The following DPP10 variants were observed in gnomAD, a reference collection of about 807,000 sequenced individuals.
DPP10 encodes the protein dipeptidyl peptidase like 10, also known as inactive dipeptidyl peptidase 10.
Under a neutral mutation model 120.9 loss-of-function variants are expected in DPP10, and 33 were observed. That is an observed-to-expected ratio of 0.27 (90% CI 0.21 to 0.37). The LOEUF (loss-of-function observed/expected upper bound fraction) is 0.37. Among genes scored for constraint, DPP10 ranks in the 10% least tolerant of loss-of-function variants. DPP10 has a pLI of 1.00. For missense variants in DPP10, 816 were observed against 942.8 expected (o/e 0.87, Z 1.76); for synonymous variants, 337 against 326.1 (o/e 1.03, Z -0.36).
intron 1 of DPP10, among the ~76,000 whole-genome samples, chr2:114,755,380 T>A (rs189249384): frequency 6.6e-6 from 1 of 152,276 alleles, no homozygotes; most frequent in Non-Finnish European, 1.5e-5. Context: ...TGCAAACTCA[T>A]CCTCCTGGGC....
intron 3 of DPP10, among the ~76,000 whole-genome samples, chr2:115,421,121 C>G (rs2069913947): frequency 6.6e-6 from 1 of 150,838 alleles, no homozygotes; most frequent in African/African-American, 2.4e-5. Flanking sequence ...CCCCACCTTT[C>G]TCAATTGCTT....
At chr2:115,043,271 T>C (rs1704804619) in intron 1 of DPP10, among the ~76,000 whole-genome samples, 1 of 152,212 alleles carries the variant, frequency 6.6e-6, no homozygotes, top group Admixed American at 6.5e-5. Flanking sequence ...TTAGAAATGA[T>C]GCATCATCAC....
intron 1 of DPP10, among the ~76,000 whole-genome samples, chr2:115,159,264 C>G (rs80251033): frequency 6.6e-6 from 1 of 152,032 alleles, no homozygotes; most frequent in Non-Finnish European, 1.5e-5. Flanking sequence ...CGAGACAATG[C>G]CGGCTAACAC....
chr2:115,211,668 C>A (rs1216674142), intron 1 of DPP10, among the ~76,000 whole-genome samples: 1 of 151,962 alleles, frequency 6.6e-6, no homozygotes, highest in Non-Finnish European at 1.5e-5. Flanking sequence ...TGCTAACGGT[C>A]CTTTTTTATT....
At chr2:115,621,073 G>T (rs1271828755) in intron 5 of DPP10, among the ~76,000 whole-genome samples, 1 of 152,164 alleles carries the variant, frequency 6.6e-6, no homozygotes, top group East Asian at 1.9e-4. Flanking sequence ...ACTGATGTGT[G>T]CCATGAAATT....
At chr2:115,427,119 G>A (rs756501165) in intron 3 of DPP10, among the ~76,000 whole-genome samples, 4 of 152,138 alleles carry the variant, frequency 2.6e-5, no homozygotes, top group Non-Finnish European at 4.4e-5. Flanking sequence ...AGGGCACACA[G>A]CTGCAAGGGG....
At chr2:115,043,882 T>A (rs890719366) in intron 1 of DPP10, among the ~76,000 whole-genome samples, 7 of 152,266 alleles carry the variant, frequency 4.6e-5, no homozygotes, top group African/African-American at 1.2e-4. Flanking sequence ...AGTAATTTTT[T>A]AAAAAATTTT....
intron 3 of DPP10, among the ~76,000 whole-genome samples, chr2:115,473,660 C>T (rs1205351183): frequency 6.6e-6 from 1 of 152,146 alleles, no homozygotes; most frequent in Non-Finnish European, 1.5e-5. Context: ...TATGTAGGAG[C>T]ATAAAGGCTG....
intron 1 of DPP10, among the ~76,000 whole-genome samples, chr2:115,034,186 C>T (rs1022869347): frequency 5.9e-5 from 9 of 152,188 alleles, no homozygotes; most frequent in African/African-American, 2.2e-4. Flanking sequence ...TGAGCCACTG[C>T]TCCCGGCCTG....
At chr2:114,700,204 G>A (rs1358922786) in intron 1 of DPP10, among the ~76,000 whole-genome samples, 1 of 152,000 alleles carries the variant, frequency 6.6e-6, no homozygotes, top group Non-Finnish European at 1.5e-5. Context: ...TCCAGGCAGG[G>A]GGGAAAGCAA....
Position 115,660,655 on chromosome 2 carries a change from C to CTTTTTTTTTTTTTTTTTTTTTTTTT in DPP10, c.442-29008_442-29007insTTTTTTTTTTTTTTTTTTTTTTTTT. 7.1e-4 allele frequency among the ~76,000 whole-genome samples: 18 copies of CTTTTTTTTTTTTTTTTTTTTTTTTT among 25,320 alleles called. 1 individual carries two copies. The highest frequency in any genetic ancestry group is 3.7e-3 in the South Asian group (1 of 272). The allele number at this position is 25,320 out of a possible 152,430, so 16.6% of individuals were successfully genotyped here. On this transcript the variant is annotated intron_variant, in intron 5 of 25. Coordinates refer to ENST00000410059, the MANE Select transcript of DPP10 (RefSeq NM_020868.6). The stretch of plus-strand genomic sequence containing the variant: ...CCTTCCTTTCATTCTCTCTGTCTGG[C>CTTTTTTTTTTTTTTTTTTTTTTTTT]TTTTTTTTTTTTTTTTTTTTTTTTG...
intron 1 of DPP10, among the ~76,000 whole-genome samples, chr2:114,995,565 T>C (rs1232571274): frequency 6.6e-6 from 1 of 152,198 alleles, no homozygotes; most frequent in Non-Finnish European, 1.5e-5. Flanking sequence ...AACCAGTTTA[T>C]CTACCTCTTT....
chr2:115,177,664 A>C (rs1468473356), intron 1 of DPP10, among the ~76,000 whole-genome samples: 1 of 152,238 alleles, frequency 6.6e-6, no homozygotes, highest in Non-Finnish European at 1.5e-5. Flanking sequence ...GTTTCAAGCT[A>C]GTCTAGACAC....
At chr2:114,942,298 CATAT>C (rs752991108) in intron 1 of DPP10, among the ~76,000 whole-genome samples, 19 of 104,692 alleles carry the variant, frequency 1.8e-4, no homozygotes, top group South Asian at 6.1e-4. Flanking sequence ...TATATATATA[CATAT>C]ATATATATAT....
At chr2:115,078,156 G>T (rs4848376) in intron 1 of DPP10, among the ~76,000 whole-genome samples, 42,382 of 151,972 alleles carry the variant, frequency 0.28, 6,345 homozygotes, top group South Asian at 0.37. Context: ...CAAATATGAA[G>T]GTAACAGTTT....
intron 2 of DPP10, among the ~76,000 whole-genome samples, chr2:115,333,600 C>G (rs901334444): frequency 2.6e-4 from 39 of 152,202 alleles, no homozygotes; most frequent in Middle Eastern, 6.8e-3. Flanking sequence ...CCTTCAGGAG[C>G]TCTTTTAGGG....
chr2:115,257,444 A>G (rs558989259), intron 1 of DPP10, among the ~76,000 whole-genome samples: 2 of 152,316 alleles, frequency 1.3e-5, no homozygotes, highest in East Asian at 3.9e-4. Flanking sequence ...GGCAGAAGGC[A>G]AGGGGGAAGC....
At chr2:114,997,271 C>T (rs1482017549) in intron 1 of DPP10, among the ~76,000 whole-genome samples, 3 of 148,460 alleles carry the variant, frequency 2.0e-5, no homozygotes, top group African/African-American at 7.5e-5. Flanking sequence ...GGGTGGATCA[C>T]GAGGTCAAAA....
At chr2:114,972,745 T>C (rs1699479751) in intron 1 of DPP10, among the ~76,000 whole-genome samples, 1 of 152,200 alleles carries the variant, frequency 6.6e-6, no homozygotes, top group Non-Finnish European at 1.5e-5. Context: ...TGTTCTATGA[T>C]TTAGCTTGAT....
Sources: gnomAD v4.1 joint callset for allele counts (sites outside exome capture counted in the v4.1 genomes callset) on GRCh38, gnomAD v4.1.1 for gene constraint, MANE v1.5 for transcripts, NCBI Gene and HGNC (gene_info 2026-07-23, HGNC 2026-07-21) for gene names.